Variants in SLCO3A1 observed in about 807,000 individuals in gnomAD.
SLCO3A1 encodes solute carrier organic anion transporter family member 3A1, also known as PGE1 transporter.
SLCO3A1 carries 27 observed loss-of-function variants against 63.1 expected under a neutral mutation model. The ratio of observed to expected loss-of-function variants is 0.43; its 90% CI spans 0.32 to 0.59. SLCO3A1 has a LOEUF of 0.59. SLCO3A1 is among the 20% of genes least tolerant of loss of function. The pLI is 0.09. For synonymous variants in SLCO3A1, 473 were observed against 409.9 expected (o/e 1.15, Z -1.86); for missense variants, 773 against 945.8 (o/e 0.82, Z 2.40).
chr15:91,873,584 T>C (rs12900961), intron 1 of SLCO3A1, among the ~76,000 whole-genome samples: 2 of 149,226 alleles, frequency 1.3e-5, no homozygotes, highest in Admixed American at 1.3e-4. Flanking sequence ...ATACATACTT[T>C]ATTTCAGGAC....
At chr15:92,067,899 G>T (rs2047170608) in intron 2 of SLCO3A1, among the ~76,000 whole-genome samples, 1 of 152,224 alleles carries the variant, frequency 6.6e-6, no homozygotes, top group Non-Finnish European at 1.5e-5. Context: ...TCAGCTTCTT[G>T]ATTCATAGAC....
chr15:92,033,145 CAAA>C lies in SLCO3A1; in HGVS notation c.647-61734_647-61732del, dbSNP rs1483515991. Among the ~76,000 whole-genome samples the C allele has an allele frequency of 6.6e-6, 1 of 151,980 alleles. No homozygotes were observed. Among genetic ancestry groups the C allele is most frequent in the Non-Finnish European group, 1.5e-5 (1 of 67,968 alleles). Reference sequence around the variant, plus strand: ...CAAAGAATCTCACGTGTAAAAAAAACAAAAGAACTCCATGGATGGGGCATTGTT... The same window carrying C: ...CAAAGAATCTCACGTGTAAAAAAAACAGAACTCCATGGATGGGGCATTGTT... On this transcript the variant is annotated intron_variant, in intron 2 of 9. Coordinates refer to ENST00000318445, the MANE Select transcript of SLCO3A1 (RefSeq NM_013272.4). The surrounding 1 kb of genome is among the most constrained non-coding windows in gnomAD (Gnocchi z 4.5).
chr15:91,909,081 A>G (rs1016808155), intron 1 of SLCO3A1, among the ~76,000 whole-genome samples: 36 of 152,162 alleles, frequency 2.4e-4, no homozygotes, highest in African/African-American at 8.4e-4. Flanking sequence ...AAACAAAACA[A>G]ACAAACAAAG....
At chr15:92,126,349 C>T (rs2047923132) in intron 6 of SLCO3A1, 90 bp downstream of exon 6, 4 of 1,083,326 alleles carry the variant, frequency 3.7e-6, no homozygotes, top group African/African-American at 3.1e-5. Flanking sequence ...CAGCTTTGTT[C>T]CTAGTGACCT....
intron 9 of SLCO3A1, among the ~76,000 whole-genome samples, chr15:92,154,156 A>C (rs2048342906): frequency 6.6e-6 from 1 of 152,172 alleles, no homozygotes; most frequent in Admixed American, 6.5e-5. Context: ...TGCTCGCAGG[A>C]TGGGGAGAGG....
intron 2 of SLCO3A1, among the ~76,000 whole-genome samples, chr15:92,028,751 A>C (rs1168236068): frequency 1.3e-5 from 2 of 152,162 alleles, no homozygotes; most frequent in East Asian, 3.9e-4. Flanking sequence ...AAGATGCTGC[A>C]ATTAGGGGTT....
Position 91,854,337 on chromosome 15 carries a change from T to G in SLCO3A1, c.180+249T>G, listed in dbSNP as rs550275170. ...GCGCGCGTCCGGCTGGGGCAGGGGG[T>G]GCCGGGGGAGGAGAGGCGGCGGGCA... On this transcript the variant is annotated intron_variant, in intron 1 of 9. Coordinates refer to ENST00000318445, the MANE Select transcript of SLCO3A1 (RefSeq NM_013272.4). This position sits in a 1 kb window ranked among gnomAD's most constrained non-coding sequence, Gnocchi z 6.4. 3.8e-6 allele frequency: 4 copies of G among 1,062,044 alleles called. No homozygotes were observed. Among genetic ancestry groups the G allele is most frequent in the Non-Finnish European group, 2.3e-6 (2 of 879,572 alleles). 65.8% of individuals were successfully genotyped at this position (1,062,044 alleles called of 1,614,324 possible). A position where few individuals can be genotyped will look rare whatever the true frequency, so the allele number is the denominator to read the frequency against.
intron 1 of SLCO3A1, among the ~76,000 whole-genome samples, chr15:91,914,304 A>T (rs1898580079): frequency 6.6e-6 from 1 of 152,086 alleles, no homozygotes; most frequent in Non-Finnish European, 1.5e-5. Flanking sequence ...CAGACTTTTC[A>T]TCCATTATTT....
At position 91,886,182 on chromosome 15, in the gene SLCO3A1, C is replaced by G. The variant is rs538707624; in HGVS notation, c.181-29811C>G. 6.6e-6 allele frequency among the ~76,000 whole-genome samples: 1 copy of G among 152,308 alleles called. No homozygotes were observed. The highest frequency in any genetic ancestry group is 1.9e-4 in the East Asian group (1 of 5,178). On this transcript the variant is annotated intron_variant, in intron 1 of 9. Coordinates refer to ENST00000318445, the MANE Select transcript of SLCO3A1 (RefSeq NM_013272.4). This position sits in a 1 kb window ranked among gnomAD's most constrained non-coding sequence, Gnocchi z 4.9. ...TTTCTTGAGTGTGTCCTGCGCTTCC[C>G]CTTGGTCTCCCTTAGTTGTGCAATG...
rs1232322186 is a variant in SLCO3A1 at position 91,968,884 on chromosome 15, T to C, written c.646+52426T>C. Among the ~76,000 whole-genome samples the C allele has an allele frequency of 6.6e-6, 1 of 152,140 alleles. No homozygotes were observed. The highest frequency in any genetic ancestry group is 2.1e-4 in the South Asian group (1 of 4,828). ...CTCTGCATGGAGTCTCCTTTCTCTT[T>C]CCCCTACCCAGGGGATCTGGCAAAC... On this transcript the variant is annotated intron_variant, in intron 2 of 9. Transcript: ENST00000318445. The surrounding 1 kb of genome is among the most constrained non-coding windows in gnomAD (Gnocchi z 4.2).
intron 7 of SLCO3A1, among the ~76,000 whole-genome samples, chr15:92,133,811 C>T (rs116916949): frequency 0.017 from 1,937 of 111,876 alleles, 252 homozygotes; most frequent in Non-Finnish European, 0.031. Context: ...AGAAATAAAG[C>T]GCATGATAAA....
intron 2 of SLCO3A1, among the ~76,000 whole-genome samples, chr15:91,927,989 T>A (rs1294815713): frequency 6.6e-6 from 1 of 152,238 alleles, no homozygotes; most frequent in African/African-American, 2.4e-5. Flanking sequence ...ACCATATTGA[T>A]TGAAGAACAT....
In SLCO3A1 at chr15:92,165,215, G is replaced by C. The variant is rs545131147; in HGVS notation, c.*2080G>C. 40 of 985,414 alleles carry C rather than the reference G, an allele frequency of 4.1e-5. No individual in the cohort carries two copies. The East Asian group carries it at 1.9e-3, about 48-fold the overall frequency. 61.0% of individuals were successfully genotyped at this position (985,414 alleles called of 1,614,324 possible). A position where few individuals can be genotyped will look rare whatever the true frequency, so the allele number is the denominator to read the frequency against. Reference sequence around the variant, plus strand: ...CAGCTACCTGGGGCAGGATGCTTCTGAGACAGGCCTTTCAACTGCTTAGTG... The same window carrying C: ...CAGCTACCTGGGGCAGGATGCTTCTCAGACAGGCCTTTCAACTGCTTAGTG... On this transcript the variant is annotated 3_prime_UTR_variant, in exon 10 of 10. Transcript: ENST00000318445.
intron 5 of SLCO3A1, among the ~76,000 whole-genome samples, chr15:92,125,115 C>G (rs1246452085): frequency 6.6e-6 from 1 of 152,128 alleles, no homozygotes; most frequent in Non-Finnish European, 1.5e-5. Context: ...TATATTTTCT[C>G]ACCCCAATAT....
rs1045065876 is a variant in SLCO3A1 at position 91,954,454 on chromosome 15, T to C, written c.646+37996T>C. 6.6e-6 allele frequency among the ~76,000 whole-genome samples: 1 copy of C among 152,174 alleles called. No individual in the cohort carries two copies. Among genetic ancestry groups the C allele is most frequent in the Admixed American group, 6.5e-5 (1 of 15,280 alleles). The stretch of plus-strand genomic sequence containing the variant: ...CTCTGCAGTTTCCAGGGGCCCAACA[T>C]TCAATAAATTGTTGCAGAAGCAAAT... On this transcript the variant is annotated intron_variant, in intron 2 of 9. Coordinates refer to ENST00000318445, the MANE Select transcript of SLCO3A1 (RefSeq NM_013272.4). The surrounding 1 kb of genome is among the most constrained non-coding windows in gnomAD (Gnocchi z 4.7).
In SLCO3A1 at chr15:91,882,593, C is replaced by A. The variant is rs1029667818; in HGVS notation, c.180+28505C>A. 1.3e-5 allele frequency among the ~76,000 whole-genome samples: 2 copies of A among 151,940 alleles called. No individual in the cohort carries two copies. Among genetic ancestry groups the A allele is most frequent in the South Asian group, 2.1e-4 (1 of 4,810 alleles). ...GCAGTGGCATGATCTCAGCTCACTG[C>A]AACCTCCGCCTCCCGGGTTCAAGCG... On this transcript the variant is annotated intron_variant, in intron 1 of 9. Coordinates refer to ENST00000318445, the MANE Select transcript of SLCO3A1 (RefSeq NM_013272.4). The surrounding 1 kb of genome is among the most constrained non-coding windows in gnomAD (Gnocchi z 4.4).
At chr15:92,141,840 C>G (rs2048136962) in intron 7 of SLCO3A1, among the ~76,000 whole-genome samples, 1 of 152,200 alleles carries the variant, frequency 6.6e-6, no homozygotes, top group Non-Finnish European at 1.5e-5. Context: ...TTATGTCACA[C>G]AAGCCCAGTA....
intron 2 of SLCO3A1, among the ~76,000 whole-genome samples, chr15:92,013,268 G>C (rs937507579): frequency 1.3e-5 from 2 of 152,248 alleles, no homozygotes; most frequent in East Asian, 3.9e-4. Flanking sequence ...AGCATGGATT[G>C]ATATTGGTAT....
At chr15:92,135,594 G>A (rs1276230435) in intron 7 of SLCO3A1, among the ~76,000 whole-genome samples, 1 of 152,216 alleles carries the variant, frequency 6.6e-6, no homozygotes, top group Non-Finnish European at 1.5e-5. Flanking sequence ...AACCAATGAA[G>A]TGAAGAGATG....
Sources: allele counts gnomAD v4.1 joint callset (sites outside exome capture counted in the v4.1 genomes callset), GRCh38; gene constraint gnomAD v4.1.1; non-coding constraint Gnocchi (gnomAD v3.1); transcripts MANE v1.5; gene names NCBI Gene and HGNC (gene_info 2026-07-23, HGNC 2026-07-21).